GPC5: variants seen among roughly 807,000 people sequenced by gnomAD.
The protein encoded by GPC5 is glypican 5.
Under a neutral mutation model 53.9 loss-of-function variants are expected in GPC5, and 47 were observed. The observed-to-expected ratio is 0.87, with a 90% CI of 0.69 to 1.11. The LOEUF (loss-of-function observed/expected upper bound fraction) is 1.11, where lower values mean the gene tolerates loss of function less well. Among genes scored for constraint, GPC5 ranks in the 50% most tolerant of loss-of-function variants. The pLI is 0.00. For synonymous variants in GPC5, 286 were observed against 263.3 expected (o/e 1.09, Z -0.84); for missense variants, 748 against 713.1 (o/e 1.05, Z -0.56).
intron 7 of GPC5, among the ~76,000 whole-genome samples, chr13:92,855,071 A>G (rs1878952435): frequency 6.6e-6 from 1 of 151,982 alleles, no homozygotes; most frequent in African/African-American, 2.4e-5. Flanking sequence ...ACTAATGGGC[A>G]TATTTTGCTT....
At chr13:92,712,178 A>G (rs994610038) in intron 7 of GPC5, among the ~76,000 whole-genome samples, 1 of 152,078 alleles carries the variant, frequency 6.6e-6, no homozygotes, top group Non-Finnish European at 1.5e-5. Context: ...AAAATTGTCA[A>G]TATCAGGAAT....
At chr13:91,773,689 C>A (rs1166835461) in intron 5 of GPC5, among the ~76,000 whole-genome samples, 1 of 152,064 alleles carries the variant, frequency 6.6e-6, no homozygotes, top group South Asian at 2.1e-4. Flanking sequence ...TAGTCCAGAC[C>A]GATAGATCAA....
At chr13:92,440,363 T>C (rs1357984364) in intron 7 of GPC5, among the ~76,000 whole-genome samples, 1 of 152,186 alleles carries the variant, frequency 6.6e-6, no homozygotes, top group Non-Finnish European at 1.5e-5. Context: ...GTTTGGTTTT[T>C]CTGTTCTTGT....
chr13:91,758,311 G>C lies in GPC5; in HGVS notation c.1280+1891G>C, dbSNP rs192216965. Among the ~76,000 whole-genome samples the C allele has an allele frequency of 3.6e-3, 547 of 152,018 alleles. 2 individuals carry two copies. Among genetic ancestry groups the C allele is most frequent in the African/African-American group, 0.012 (513 of 41,484 alleles). On this transcript the variant is annotated intron_variant, in intron 5 of 7. Coordinates refer to ENST00000377067, the MANE Select transcript of GPC5 (RefSeq NM_004466.6). ...GTATTTTTTCAAACTGTTCAAACTG[G>C]AATTGAACTTTTTGTATATTTTTAC... is the stretch of plus-strand genomic sequence containing the variant.
At chr13:91,555,474 C>T (rs1361979397) in intron 2 of GPC5, among the ~76,000 whole-genome samples, 1 of 151,822 alleles carries the variant, frequency 6.6e-6, no homozygotes, top group Non-Finnish European at 1.5e-5. Flanking sequence ...GGGGCGAGTA[C>T]AGAGATCCAC....
chr13:92,040,220 G>A (rs894305854), intron 6 of GPC5, among the ~76,000 whole-genome samples: 2 of 152,208 alleles, frequency 1.3e-5, no homozygotes, highest in East Asian at 3.8e-4. Context: ...TGTGGAGTTT[G>A]CACTTTCTCC....
In GPC5 at chr13:91,626,330, T is replaced by A. The variant is rs560504642; in HGVS notation, c.326-66857T>A. On this transcript the variant is annotated intron_variant, in intron 2 of 7. Coordinates refer to ENST00000377067, the MANE Select transcript of GPC5 (RefSeq NM_004466.6). ...TTTATTGGTAGAAGCACAGAAAACCTGGCCTGGTCCTTGCTCAGGCATGTA... is the reference window on the plus strand; with the variant it reads ...TTTATTGGTAGAAGCACAGAAAACCAGGCCTGGTCCTTGCTCAGGCATGTA... Among the ~76,000 whole-genome samples the A allele has an allele frequency of 1.1e-4, 17 of 152,274 alleles. No homozygotes were observed. In the South Asian group the frequency reaches 3.3e-3, roughly 30 times the overall value.
In GPC5 at chr13:91,596,755, C is replaced by G. The variant is rs114676882; in HGVS notation, c.326-96432C>G. The stretch of plus-strand genomic sequence containing the variant: ...CCTTCTGTGTACTCTCTCCAGTGCC[C>G]GGTGAATTATGAGGTTTCCCAGTGT... On this transcript the variant is annotated intron_variant, in intron 2 of 7. Coordinates refer to ENST00000377067, the MANE Select transcript of GPC5 (RefSeq NM_004466.6). Among the ~76,000 whole-genome samples, 917 of 152,128 alleles carry G rather than the reference C, an allele frequency of 6.0e-3. 4 individuals carry two copies. Among genetic ancestry groups the G allele is most frequent in the African/African-American group, 0.02 (835 of 41,494 alleles).
chr13:92,385,455 T>TATTTACAC (rs2043791747), intron 7 of GPC5, among the ~76,000 whole-genome samples: 1 of 63,996 alleles, frequency 1.6e-5, no homozygotes, highest in Non-Finnish European at 3.4e-5. Flanking sequence ...CATATATACA[T>TATTTACAC]ATATACACAT....
At chr13:92,337,739 AC>A (rs2043334889) in intron 7 of GPC5, among the ~76,000 whole-genome samples, 1 of 152,180 alleles carries the variant, frequency 6.6e-6, no homozygotes, top group Non-Finnish European at 1.5e-5. Flanking sequence ...TGCTGGAACG[AC>A]TGGATTTACA....
chr13:92,150,984 C>T (rs1420702123), intron 7 of GPC5, among the ~76,000 whole-genome samples: 1 of 151,692 alleles, frequency 6.6e-6, no homozygotes, highest in Non-Finnish European at 1.5e-5. Context: ...CAGAAACAAA[C>T]CCATTCTTAT....
chr13:92,648,007 A>G (rs1355669767), intron 7 of GPC5, among the ~76,000 whole-genome samples: 7 of 151,888 alleles, frequency 4.6e-5, no homozygotes, highest in African/African-American at 7.2e-5. Flanking sequence ...GTACATATTG[A>G]TTGCATATAA....
At chr13:92,238,070 G>C (rs2042583073) in intron 7 of GPC5, among the ~76,000 whole-genome samples, 1 of 151,820 alleles carries the variant, frequency 6.6e-6, no homozygotes, top group Non-Finnish European at 1.5e-5. Flanking sequence ...TTCTTTCAAT[G>C]GATATCATTT....
At chr13:92,555,403 A>G (rs1268234658) in intron 7 of GPC5, among the ~76,000 whole-genome samples, 1 of 151,554 alleles carries the variant, frequency 6.6e-6, no homozygotes, top group Non-Finnish European at 1.5e-5. Context: ...TTACTTAGCA[A>G]AAGTCAAATG....
intron 7 of GPC5, among the ~76,000 whole-genome samples, chr13:92,284,155 C>A (rs1248129807): frequency 2.0e-5 from 3 of 152,152 alleles, no homozygotes; most frequent in Admixed American, 6.5e-5. Flanking sequence ...TGGACAAATT[C>A]TTGGACACAT....
Position 92,476,357 on chromosome 13 carries a change from C to G in GPC5, c.1561+331368C>G, listed in dbSNP as rs1363698455. 4.9e-3 allele frequency among the ~76,000 whole-genome samples: 738 copies of G among 151,756 alleles called. 6 individuals carry two copies. The highest frequency in any genetic ancestry group is 0.016 in the African/African-American group (660 of 41,322). The stretch of plus-strand genomic sequence containing the variant: ...AACCACAATGAGATACCATCTCACA[C>G]CAGTTAGAATGGCAATCATTAAAAA... On this transcript the variant is annotated intron_variant, in intron 7 of 7. Transcript: ENST00000377067.
chr13:92,606,072 T>G (rs1445997745), intron 7 of GPC5, among the ~76,000 whole-genome samples: 4 of 152,096 alleles, frequency 2.6e-5, no homozygotes, highest in Non-Finnish European at 1.5e-5. Flanking sequence ...CCATTACTCT[T>G]TTCTTTTATC....
Position 92,064,718 on chromosome 13 carries a change from T to C in GPC5, c.1402-80112T>C, listed in dbSNP as rs5006990. Among the ~76,000 whole-genome samples the C allele has an allele frequency of 5.5e-3, 751 of 137,668 alleles. 11 individuals are homozygous for C. The highest frequency in any genetic ancestry group is 0.018 in the African/African-American group (706 of 38,436). 90.3% of individuals were successfully genotyped at this position (137,668 alleles called of 152,430 possible). On this transcript the variant is annotated intron_variant, in intron 6 of 7. Coordinates refer to ENST00000377067, the MANE Select transcript of GPC5 (RefSeq NM_004466.6). ...GTTGCAGTGAGCCAAGATCGCGCCATTGCACTCCAGCCTGGGCGACAGAGC... is the reference window on the plus strand; with the variant it reads ...GTTGCAGTGAGCCAAGATCGCGCCACTGCACTCCAGCCTGGGCGACAGAGC...
intron 7 of GPC5, among the ~76,000 whole-genome samples, chr13:92,212,950 T>G (rs1226635620): frequency 1.6e-4 from 24 of 152,312 alleles, no homozygotes; most frequent in African/African-American, 5.8e-4. Context: ...CCCTTGGCAA[T>G]GTAGCCAGTC....
Sources: gnomAD v4.1 joint callset for allele counts (sites outside exome capture counted in the v4.1 genomes callset) on GRCh38, gnomAD v4.1.1 for gene constraint, MANE v1.5 for transcripts, NCBI Gene and HGNC (gene_info 2026-07-23, HGNC 2026-07-21) for gene names.